HS6ST2: variants seen among roughly 807,000 people sequenced by gnomAD.
HS6ST2 encodes heparan sulfate 6-O-sulfotransferase 2, also known as heparan-sulfate 6-O-sulfotransferase 2.
A neutral mutation model predicts 33.0 loss-of-function variants in HS6ST2; 17 were observed. The observed-to-expected ratio is 0.52, with a 90% confidence interval of 0.35 to 0.77. The LOEUF is 0.77. Ranked by LOEUF, HS6ST2 falls within the 30% of genes least tolerant of loss-of-function variation. The pLI is 0.01. For synonymous variants in HS6ST2, 248 were observed against 237.1 expected, an observed-to-expected ratio of 1.05 and a Z score of -0.42; for missense variants, 519 against 551.7, an observed-to-expected ratio of 0.94 and a Z score of 0.59.
intron 2 of HS6ST2, among the ~76,000 whole-genome samples, chrX:132,925,754 A>G (rs774930994): frequency 9.8e-5 from 11 of 112,162 alleles, no homozygotes; most frequent in African/African-American, 3.6e-4. Flanking sequence ...GAATCTTACA[A>G]TTTTTCTAAT....
intron 2 of HS6ST2, among the ~76,000 whole-genome samples, chrX:132,900,970 G>A (rs750713233): frequency 3.3e-3 from 370 of 112,436 alleles, no homozygotes; most frequent in African/African-American, 0.011. Flanking sequence ...TTTCTCTGAT[G>A]AAAATAGATG....
At chrX:132,762,511 T>C (rs1383022558) in intron 2 of HS6ST2, among the ~76,000 whole-genome samples, 4 of 112,414 alleles carry the variant, frequency 3.6e-5, no homozygotes, top group Non-Finnish European at 7.5e-5. Context: ...TCTGAAATAT[T>C]TATTTACAAT....
chrX:132,912,616 C>CTCT lies in HS6ST2; in HGVS notation c.947+44189_947+44191dup, dbSNP rs769013308. Among the ~76,000 whole-genome samples, 241 of 112,311 alleles carry CTCT rather than the reference C, an allele frequency of 2.1e-3. 2 individuals carry two copies. Among genetic ancestry groups the CTCT allele is most frequent in the African/African-American group, 7.4e-3 (230 of 30,913 alleles). ...ACAAATCCAAATGCTCATCTTTGTGCTCTTCCATTTGATAAATTTTGTCCC... is the reference window on the plus strand; with the variant it reads ...ACAAATCCAAATGCTCATCTTTGTGCTCTTCTTCCATTTGATAAATTTTGTCCC... On this transcript the variant is annotated intron_variant, in intron 2 of 4. Coordinates refer to ENST00000370833, the MANE Select transcript of HS6ST2 (RefSeq NM_001394073.1).
At chrX:132,768,440 T>A (rs1210158868) in intron 2 of HS6ST2, among the ~76,000 whole-genome samples, 1 of 110,406 alleles carries the variant, frequency 9.1e-6, no homozygotes, top group South Asian at 3.9e-4. Flanking sequence ...AAGATTCTAG[T>A]TTGGAGAAAT....
At chrX:132,860,200 C>T (rs2065897930) in intron 2 of HS6ST2, among the ~76,000 whole-genome samples, 1 of 112,086 alleles carries the variant, frequency 8.9e-6, no homozygotes, top group African/African-American at 3.2e-5. Context: ...ATGATGCTGT[C>T]CCTAGTAATG....
intron 4 of HS6ST2, among the ~76,000 whole-genome samples, chrX:132,637,379 C>T (rs778706045): frequency 4.5e-5 from 5 of 110,657 alleles, no homozygotes; most frequent in African/African-American, 9.9e-5. Flanking sequence ...ACTGTGCCCC[C>T]GGATGCAAGC....
chrX:132,874,288 C>T (rs2066089412), intron 2 of HS6ST2, among the ~76,000 whole-genome samples: 1 of 112,782 alleles, frequency 8.9e-6, no homozygotes, highest in Non-Finnish European at 1.9e-5. Context: ...AATTTTAAAA[C>T]ACCTTCCGGC....
At chrX:132,727,239 G>A (rs967564597) in intron 2 of HS6ST2, among the ~76,000 whole-genome samples, 4 of 101,010 alleles carry the variant, frequency 4.0e-5, no homozygotes, top group East Asian at 3.3e-4. Flanking sequence ...GCATTATTGG[G>A]GGGGGGGGCA....
At chrX:132,875,313 T>C (rs1160742715) in intron 2 of HS6ST2, among the ~76,000 whole-genome samples, 1 of 111,306 alleles carries the variant, frequency 9.0e-6, no homozygotes, top group Admixed American at 9.6e-5. Flanking sequence ...ATGTAATGTT[T>C]GCTTCATTTC....
intron 2 of HS6ST2, among the ~76,000 whole-genome samples, chrX:132,764,758 A>G (rs1302765879): frequency 8.9e-6 from 1 of 112,164 alleles, no homozygotes; most frequent in East Asian, 2.8e-4. Context: ...TCTCCAAGAA[A>G]CAAAGGTGTG....
chrX:132,690,331 T>A (rs142029046), intron 3 of HS6ST2, among the ~76,000 whole-genome samples: 24 of 112,032 alleles, frequency 2.1e-4, no homozygotes, highest in Non-Finnish European at 3.9e-4. Flanking sequence ...AACCCTAAAT[T>A]GGCAACTTCC....
intron 3 of HS6ST2, among the ~76,000 whole-genome samples, chrX:132,682,793 A>C (rs1346903650): frequency 9.0e-6 from 1 of 110,820 alleles, no homozygotes; most frequent in Non-Finnish European, 1.9e-5. Context: ...ACTCTCAAAA[A>C]GTTCTGCTGT....
At chrX:132,722,884 C>CAAAAAAAAAAAA (rs144182974) in intron 2 of HS6ST2, among the ~76,000 whole-genome samples, 1 of 82,298 alleles carries the variant, frequency 1.2e-5, no homozygotes, top group Non-Finnish European at 2.4e-5. Flanking sequence ...AATAAAAAAA[C>CAAAAAAAAAAAA]AAAAAAAAAA....
At chrX:132,739,786 A>T (rs964478861) in intron 2 of HS6ST2, among the ~76,000 whole-genome samples, 19 of 111,245 alleles carry the variant, frequency 1.7e-4, no homozygotes, top group East Asian at 5.6e-4. Context: ...AGAATTTTTT[A>T]AAAAATATTA....
chrX:132,824,512 T>C (rs1325195311), intron 2 of HS6ST2, among the ~76,000 whole-genome samples: 2 of 112,436 alleles, frequency 1.8e-5, no homozygotes, highest in Admixed American at 9.4e-5. Flanking sequence ...ATTCAAAGTG[T>C]TGGGACCTTT....
intron 2 of HS6ST2, among the ~76,000 whole-genome samples, chrX:132,939,441 A>C (rs1031331792): frequency 2.7e-5 from 3 of 110,608 alleles, no homozygotes; most frequent in African/African-American, 9.9e-5. Flanking sequence ...ACTGGCCAAC[A>C]TGGTGAAACC....
At chrX:132,951,618 C>T in intron 2 of HS6ST2, among the ~76,000 whole-genome samples, 1 of 112,000 alleles carries the variant, frequency 8.9e-6, no homozygotes, top group Non-Finnish European at 1.9e-5. Flanking sequence ...CTCCCAGCAC[C>T]TGTCTACATG....
chrX:132,925,213 G>A (rs1033136073), intron 2 of HS6ST2, among the ~76,000 whole-genome samples: 1 of 112,038 alleles, frequency 8.9e-6, no homozygotes, highest in African/African-American at 3.2e-5. Flanking sequence ...AACACATGGA[G>A]GTGACAAGAG....
chrX:132,732,201 G>A (rs904035581), intron 2 of HS6ST2, among the ~76,000 whole-genome samples: 1 of 111,859 alleles, frequency 8.9e-6, no homozygotes, highest in African/African-American at 3.3e-5. Flanking sequence ...TTGTTTGCAC[G>A]TTCAATGAAC....
Sources: allele counts gnomAD v4.1 joint callset (sites outside exome capture counted in the v4.1 genomes callset), GRCh38; gene constraint gnomAD v4.1.1; transcripts MANE v1.5; gene names NCBI Gene and HGNC (gene_info 2026-07-23, HGNC 2026-07-21).